Variants in KMT2C observed in about 807,000 individuals in gnomAD.
KMT2C encodes the protein lysine methyltransferase 2C.
Under a neutral mutation model 507.9 loss-of-function variants are expected in KMT2C, and 88 were observed. The ratio of observed to expected loss-of-function variants is 0.17; its 90% CI spans 0.15 to 0.21. KMT2C has a LOEUF of 0.21. Ranked by LOEUF, KMT2C falls within the 10% of genes least tolerant of loss-of-function variation. KMT2C has a pLI of 1.00. For synonymous variants in KMT2C, 2,049 were observed against 2,080.8 expected (o/e 0.98, Z 0.42); for missense variants, 4,954 against 5,957.8 (o/e 0.83, Z 5.55).
At chr7:152,155,851 T>C in intron 46 of KMT2C, 59 bp downstream of exon 46, 6 of 1,501,988 alleles carry the variant, frequency 4.0e-6, no homozygotes, top group Non-Finnish European at 5.4e-6. Flanking sequence ...CATACATACA[T>C]TTATTTTTTT....
chr7:152,149,236 G>T (rs1335856631), intron 51 of KMT2C, 84 bp from the exon 52 acceptor site: 15 of 1,333,056 alleles, frequency 1.1e-5, no homozygotes, highest in Non-Finnish European at 1.5e-5. Context: ...AAGCTGAGCA[G>T]TATGACTGAA....
At chr7:152,415,651 C>A (rs1215284610) in intron 1 of KMT2C, among the ~76,000 whole-genome samples, 1 of 152,092 alleles carries the variant, frequency 6.6e-6, no homozygotes, top group African/African-American at 2.4e-5. Flanking sequence ...GAGGCCGAGG[C>A]GGGTGGATCA....
intron 23 of KMT2C, among the ~76,000 whole-genome samples, chr7:152,211,070 AAT>A (rs2094444964): frequency 6.6e-6 from 1 of 152,228 alleles, no homozygotes; most frequent in Admixed American, 6.5e-5. Context: ...AAAAATCAAA[AAT>A]AGACAAAAAC....
At chr7:152,217,870 T>C (rs2094625959) in intron 23 of KMT2C, among the ~76,000 whole-genome samples, 1 of 152,216 alleles carries the variant, frequency 6.6e-6, no homozygotes, top group South Asian at 2.1e-4. Context: ...AAGAAACCTT[T>C]CATATTTTGT....
At chr7:152,173,769 C>T (rs2093067349) in intron 39 of KMT2C, among the ~76,000 whole-genome samples, 1 of 152,116 alleles carries the variant, frequency 6.6e-6, no homozygotes, top group South Asian at 2.1e-4. Context: ...TTGCTTTAAT[C>T]ACTCAGTGTC....
At chr7:152,434,907 C>T (rs180691858) in intron 1 of KMT2C, among the ~76,000 whole-genome samples, 2 of 152,220 alleles carry the variant, frequency 1.3e-5, no homozygotes, top group Admixed American at 6.5e-5. Flanking sequence ...TTCTGCCTTA[C>T]GAGGGGACGC....
intron 1 of KMT2C, among the ~76,000 whole-genome samples, chr7:152,386,209 GAAAA>G (rs971685442): frequency 2.7e-4 from 36 of 134,340 alleles, no homozygotes; most frequent in African/African-American, 9.7e-4. Context: ...TGTTAAAAAA[GAAAA>G]AAAAAAAAAA....
intron 18 of KMT2C, among the ~76,000 whole-genome samples, chr7:152,225,386 G>T (rs955201082): frequency 1.7e-4 from 26 of 152,162 alleles, no homozygotes; most frequent in Non-Finnish European, 3.4e-4. Flanking sequence ...GAAAATAAAA[G>T]AGTTAAATTC....
chr7:152,429,262 T>C (rs1368131570), intron 1 of KMT2C, among the ~76,000 whole-genome samples: 1 of 152,186 alleles, frequency 6.6e-6, no homozygotes. Flanking sequence ...ATCTAAAAAG[T>C]TACATAGAAG....
Position 152,226,219 on chromosome 7 carries a change from C to CTTTTTTTTTTTTTTTTT in KMT2C, c.2977-1620_2977-1604dup, listed in dbSNP as rs869076803. On this transcript the variant is annotated intron_variant, in intron 18 of 58. Transcript: ENST00000262189. ...AAGAGTTGGTTGTTCATTACAAGGCCTTTTTTTTTTTTTTTTTTTTTTTTT... is the reference window on the plus strand; with the variant it reads ...AAGAGTTGGTTGTTCATTACAAGGCCTTTTTTTTTTTTTTTTTTTTTTTTTTTTTTTTTTTTTTTTTT... Among the ~76,000 whole-genome samples, 15 of 94,948 alleles carry CTTTTTTTTTTTTTTTTT rather than the reference C, an allele frequency of 1.6e-4. 1 individual carries two copies. The highest frequency in any genetic ancestry group is 5.8e-4 in the African/African-American group (14 of 23,968). 62.3% of individuals were successfully genotyped at this position (94,948 alleles called of 152,430 possible).
intron 1 of KMT2C, among the ~76,000 whole-genome samples, chr7:152,379,635 A>G (rs2097354971): frequency 6.6e-6 from 1 of 152,266 alleles, no homozygotes; most frequent in Non-Finnish European, 1.5e-5. Flanking sequence ...GGATCACTTG[A>G]GCTAGAGGAT....
rs2097844676 is a variant in KMT2C at position 152,428,853 on chromosome 7, T to C, written c.161+6773A>G. Among the ~76,000 whole-genome samples, 5 of 152,154 alleles carry C rather than the reference T, an allele frequency of 3.3e-5. No homozygotes were observed. The South Asian group carries it at 1.0e-3, about 32-fold the overall frequency. On this transcript the variant is annotated intron_variant, in intron 1 of 58. Transcript: ENST00000262189. ...GTCATTCAGATTCTTAGAAGCAGCC[T>C]ACTGTTCATTTAAATTGCTTACCTG... is the stretch of plus-strand genomic sequence containing the variant.
chr7:152,429,349 G>A (rs2097847564), intron 1 of KMT2C, among the ~76,000 whole-genome samples: 1 of 152,048 alleles, frequency 6.6e-6, no homozygotes, highest in South Asian at 2.1e-4. Context: ...AAAATTAACA[G>A]CAGAAACAAA....
At chr7:152,157,832 G>C (rs1433251081) in intron 44 of KMT2C, 2 of 1,331,960 alleles carry the variant, frequency 1.5e-6, no homozygotes, top group South Asian at 2.4e-5. Context: ...CCTAGAAGTC[G>C]ATTCCCACTA....
At chr7:152,206,313 G>A (rs2094308204) in intron 24 of KMT2C, among the ~76,000 whole-genome samples, 1 of 151,916 alleles carries the variant, frequency 6.6e-6, no homozygotes, top group Non-Finnish European at 1.5e-5. Context: ...GTAAATACAA[G>A]TTCCTGGAAG....
At chr7:152,398,434 A>G (rs988622116) in intron 1 of KMT2C, among the ~76,000 whole-genome samples, 1 of 152,244 alleles carries the variant, frequency 6.6e-6, no homozygotes, top group African/African-American at 2.4e-5. Context: ...AAAAATGGAT[A>G]TAAGTACATA....
chr7:152,379,901 G>C (rs1213444795), intron 1 of KMT2C, among the ~76,000 whole-genome samples: 1 of 152,262 alleles, frequency 6.6e-6, no homozygotes, highest in African/African-American at 2.4e-5. Context: ...TTCGAGACCA[G>C]CCTAGGCAAC....
At chr7:152,314,205 C>T (rs941158408) in intron 4 of KMT2C, among the ~76,000 whole-genome samples, 2 of 152,108 alleles carry the variant, frequency 1.3e-5, no homozygotes, top group Admixed American at 1.3e-4. Context: ...GTCTTCAAGG[C>T]ATTGGCAGCA....
intron 5 of KMT2C, among the ~76,000 whole-genome samples, chr7:152,310,351 G>A (rs1332945110): frequency 6.6e-6 from 1 of 152,126 alleles, no homozygotes; most frequent in Admixed American, 6.5e-5. Context: ...CAACGCTGGT[G>A]GATCTTTTGA....
Sources: gnomAD v4.1 joint callset for allele counts (sites outside exome capture counted in the v4.1 genomes callset) on GRCh38, gnomAD v4.1.1 for gene constraint, MANE v1.5 for transcripts, NCBI Gene and HGNC (gene_info 2026-07-23, HGNC 2026-07-21) for gene names.